The following DNAI4 variants were observed in gnomAD, a reference collection of about 807,000 sequenced individuals.
The protein encoded by DNAI4 is WD repeat domain 78.
DNAI4 carries 85 observed loss-of-function variants against 105.8 expected under a neutral mutation model. The observed-to-expected ratio is 0.80, with a 90% confidence interval of 0.67 to 0.96. DNAI4 has a LOEUF of 0.96. Among genes scored for constraint, DNAI4 ranks in the 40% least tolerant of loss-of-function variants. The pLI is 0.00. For synonymous variants in DNAI4, 352 were observed against 331.5 expected, an observed-to-expected ratio of 1.06 and a Z score of -0.67; for missense variants, 1,014 against 1,005.6, an observed-to-expected ratio of 1.01 and a Z score of -0.11.
At chr1:66,823,909 T>C (rs971935249) in intron 15 of DNAI4, among the ~76,000 whole-genome samples, 1 of 150,476 alleles carries the variant, frequency 6.6e-6, no homozygotes, top group East Asian at 1.9e-4. Flanking sequence ...AGCTCTTTAG[T>C]TTAATTAGAT....
intron 6 of DNAI4, among the ~76,000 whole-genome samples, chr1:66,863,101 C>A (rs1000279515): frequency 8.5e-5 from 13 of 152,144 alleles, no homozygotes; most frequent in African/African-American, 3.1e-4. Flanking sequence ...TTATTCAAAT[C>A]ATCAAAAATA....
At chr1:66,893,813 C>A (rs545339354) in intron 2 of DNAI4, among the ~76,000 whole-genome samples, 19 of 152,266 alleles carry the variant, frequency 1.2e-4, no homozygotes, top group African/African-American at 4.1e-4. Flanking sequence ...GTTTACAGTT[C>A]TGCACCACAA....
At chr1:66,847,086 T>G (rs1302641695) in intron 8 of DNAI4, among the ~76,000 whole-genome samples, 2 of 152,186 alleles carry the variant, frequency 1.3e-5, no homozygotes, top group African/African-American at 2.4e-5. Flanking sequence ...AAGAAAGAGC[T>G]ATAGATGCTT....
intron 15 of DNAI4, among the ~76,000 whole-genome samples, chr1:66,825,152 T>A (rs1321789180): frequency 6.6e-6 from 1 of 150,544 alleles, no homozygotes; most frequent in African/African-American, 2.4e-5. Flanking sequence ...CACAACTTCT[T>A]AAATAATAAC....
At chr1:66,848,271 C>T (rs1430470407) in intron 7 of DNAI4, 2 of 456,068 alleles carry the variant, frequency 4.4e-6, no homozygotes, top group East Asian at 1.4e-4. Context: ...TGCATTCCCG[C>T]TGACCTTCTT....
chr1:66,845,217 T>TAAAAAAAAA (rs869249698), intron 8 of DNAI4, among the ~76,000 whole-genome samples: 2 of 38,094 alleles, frequency 5.3e-5, no homozygotes, highest in East Asian at 5.7e-4. Context: ...AAAGAAAAAT[T>TAAAAAAAAA]AAAAAAAAAA....
chr1:66,816,985 ATATAT>A (rs1262349003), intron 16 of DNAI4, among the ~76,000 whole-genome samples: 4 of 152,122 alleles, frequency 2.6e-5, no homozygotes, highest in African/African-American at 9.7e-5. Context: ...TAATACTTAC[ATATAT>A]TATAACATAT....
chr1:66,857,415 A>G lies in DNAI4; in HGVS notation c.1096+4732T>C, dbSNP rs542450982. ...ATGAGTTAATGGGTGCAGCACACCA[A>G]CTTGGCACATGTATACATATGTAAC... On this transcript the variant is annotated intron_variant, in intron 7 of 16. Coordinates refer to ENST00000371026, the MANE Select transcript of DNAI4 (RefSeq NM_024763.5). Among the ~76,000 whole-genome samples, 106 of 152,062 alleles carry G rather than the reference A, an allele frequency of 7.0e-4. 1 individual carries two copies. The highest frequency in any genetic ancestry group is 2.5e-3 in the African/African-American group (104 of 41,440).
chr1:66,888,850 G>C (rs1419175208), intron 4 of DNAI4, among the ~76,000 whole-genome samples: 1 of 152,178 alleles, frequency 6.6e-6, no homozygotes, highest in Non-Finnish European at 1.5e-5. Flanking sequence ...AAGGCAAATT[G>C]TTACATAAAG....
At position 66,871,405 on chromosome 1, in the gene DNAI4, T is replaced by TC; in HGVS notation, c.904dup (p.Asp302GlyfsTer5). On this transcript the variant is annotated frameshift_variant, in exon 6 of 17. Transcript: ENST00000371026. LOFTEE classifies it high-confidence loss of function. ...CATTATGATTTTATCACATTGAACATCTTTATTCTTTGGTGCTCCATTGAA... is the reference window on the plus strand; with the variant it reads ...CATTATGATTTTATCACATTGAACATCCTTTATTCTTTGGTGCTCCATTGAA... 6.2e-7 allele frequency: 1 copy of TC among 1,611,342 alleles called. No homozygotes were observed. Among genetic ancestry groups the TC allele is most frequent in the Non-Finnish European group, 8.5e-7 (1 of 1,178,442 alleles).
chr1:66,882,488 A>G (rs867393738), intron 4 of DNAI4, among the ~76,000 whole-genome samples: 18 of 151,438 alleles, frequency 1.2e-4, no homozygotes, highest in Admixed American at 1.1e-3. Context: ...TTTTTGAGTA[A>G]GATGTAAGGT....
At chr1:66,923,493 G>C (rs945787166) in intron 1 of DNAI4, among the ~76,000 whole-genome samples, 1 of 152,218 alleles carries the variant, frequency 6.6e-6, no homozygotes, top group Non-Finnish European at 1.5e-5. Context: ...CATGAACCAA[G>C]ACAAGAACTA....
chr1:66,821,363 T>C (rs1645622904), intron 16 of DNAI4, among the ~76,000 whole-genome samples: 1 of 152,132 alleles, frequency 6.6e-6, no homozygotes, highest in African/African-American at 2.4e-5. Context: ...TCTCCAAAAG[T>C]GCTGGGATTA....
At chr1:66,871,251 G>GT (rs1418269331) in intron 6 of DNAI4, 119 bp downstream of exon 6, 1 of 886,368 alleles carries the variant, frequency 1.1e-6, no homozygotes, top group East Asian at 2.7e-5. Flanking sequence ...TACTGTTGTG[G>GT]TTTGGCCAAA....
rs530232189 is a variant in DNAI4 at position 66,813,547 on chromosome 1, T to C, written c.*583A>G. The C allele has an allele frequency of 2.0e-5, 3 of 152,500 alleles. No individual in the cohort carries two copies. In the East Asian group the frequency reaches 5.6e-4, roughly 29 times the overall value. The allele number at this position is 152,500 out of a possible 1,614,324, so 9.4% of individuals were successfully genotyped here. On this transcript the variant is annotated 3_prime_UTR_variant, in exon 17 of 17. Transcript: ENST00000371026. Reference sequence around the variant, plus strand: ...ACTGAATTGGGAATGTGATAAGCGCTGGTCAAACCATAAAATTCTGATATT... The same window carrying C: ...ACTGAATTGGGAATGTGATAAGCGCCGGTCAAACCATAAAATTCTGATATT...
At position 66,924,852 on chromosome 1, in the gene DNAI4, T is replaced by G; in HGVS notation, c.-21A>C. 1 of 1,610,562 alleles carries G rather than the reference T, an allele frequency of 6.2e-7. No individual in the cohort carries two copies. The highest frequency in any genetic ancestry group is 8.5e-7 in the Non-Finnish European group (1 of 1,178,024). ...GTCATGGCGACGGTGGAGCCCTGGC[T>G]CAACAAGCGGCCGCGCGGTTGGCTG... On this transcript the variant is annotated 5_prime_UTR_variant, in exon 1 of 17. Coordinates refer to ENST00000371026, the MANE Select transcript of DNAI4 (RefSeq NM_024763.5).
chr1:66,847,863 A>T (rs1646311661), intron 7 of DNAI4, 185 bp from the exon 8 acceptor site: 1 of 549,430 alleles, frequency 1.8e-6, no homozygotes, highest in Admixed American at 3.6e-5. Context: ...CTCATTTTGG[A>T]ATTCTTAACC....
chr1:66,873,549 G>C (rs766764275), intron 5 of DNAI4, among the ~76,000 whole-genome samples: 4 of 152,170 alleles, frequency 2.6e-5, no homozygotes, highest in Non-Finnish European at 4.4e-5. Flanking sequence ...CCACATCCAG[G>C]TGATCTGAAG....
rs562933261 is a variant in DNAI4 at position 66,823,177 on chromosome 1, C to T, written c.2340-660G>A. Among the ~76,000 whole-genome samples the T allele has an allele frequency of 7.9e-4, 107 of 135,644 alleles. 1 individual carries two copies. The highest frequency in any genetic ancestry group is 1.5e-3 in the Non-Finnish European group (95 of 62,262). The allele number at this position is 135,644 out of a possible 152,430, so 89.0% of individuals were successfully genotyped here. On this transcript the variant is annotated intron_variant, in intron 15 of 16. Transcript: ENST00000371026. ...TGCGGTGTTTGGTTTTTTGTTCTTG[C>T]GATAGTTTGCTGAGAATGATGATTT...
Sources: gnomAD v4.1 joint callset for allele counts (sites outside exome capture counted in the v4.1 genomes callset) on GRCh38, gnomAD v4.1.1 for gene constraint, MANE v1.5 for transcripts, NCBI Gene and HGNC (gene_info 2026-07-23, HGNC 2026-07-21) for gene names.